The following ATP2A3 variants were observed in gnomAD, a reference collection of about 807,000 sequenced individuals.
ATP2A3 encodes sarcoplasmic/endoplasmic reticulum calcium ATPase 3.
In ATP2A3, 61 loss-of-function variants were observed where a neutral mutation model predicts 106.8. The observed-to-expected ratio is 0.57, with a 90% CI of 0.46 to 0.71. ATP2A3 has a LOEUF of 0.71. Among genes scored for constraint, ATP2A3 ranks in the 30% least tolerant of loss-of-function variants. The pLI is 0.00. For missense variants in ATP2A3, 1,201 were observed against 1,423.5 expected, an observed-to-expected ratio of 0.84 and a Z score of 2.52; for synonymous variants, 611 against 609.3, an observed-to-expected ratio of 1.00 and a Z score of -0.04.
chr17:3,963,670 TG>T (rs1364706962), intron 1 of ATP2A3, among the ~76,000 whole-genome samples: 1 of 151,942 alleles, frequency 6.6e-6, no homozygotes, highest in Non-Finnish European at 1.5e-5. Context: ...AGACCTGGGG[TG>T]GGGGTGGGGG....
At chr17:3,963,611 C>A (rs987055993) in intron 1 of ATP2A3, among the ~76,000 whole-genome samples, 3 of 152,150 alleles carry the variant, frequency 2.0e-5, no homozygotes, top group Non-Finnish European at 2.9e-5. Flanking sequence ...CAGTTCAAAG[C>A]CCCCACCGAC....
rs1049214357 is a variant in ATP2A3 at position 3,955,842 on chromosome 17, C to T, written c.119-2132G>A. ...TCCCCATGATGCCTCCTGCCTGCCC[C>T]GGCTGGTCTCTCAAGTTCTCCTTTC... On this transcript the variant is annotated intron_variant, in intron 1 of 20. Transcript: ENST00000397041. The surrounding 1 kb of genome is among the most constrained non-coding windows in gnomAD (Gnocchi z 4.2). Among the ~76,000 whole-genome samples the T allele has an allele frequency of 5.3e-5, 8 of 152,100 alleles. No homozygotes were observed. The South Asian group carries it at 1.0e-3, about 20-fold the overall frequency.
chr17:3,947,570 C>A lies in ATP2A3; in HGVS notation c.916G>T (p.Ala306Ser). 6.2e-7 allele frequency: 1 copy of A among 1,612,788 alleles called. No individual in the cohort carries two copies. Among genetic ancestry groups the A allele is most frequent in the Non-Finnish European group, 8.5e-7 (1 of 1,179,912 alleles). The change falls in exon 8 of 21, where the codon GCC becomes TCC. Residue 306 changes from alanine (A) to serine (S), a missense_variant. This residue lies in a region of ATP2A3 where 935 missense variants were observed against 1,176.7 expected (regional missense o/e 0.79). Coordinates refer to ENST00000397041, the MANE Select transcript of ATP2A3 (RefSeq NM_005173.4). This position sits in a 1 kb window ranked among gnomAD's most constrained non-coding sequence, Gnocchi z 7.7. ...FKIAVALAVA[A>S]IPEGLPAVIT... ...ACAGCCGGGAGGCCCTCGGGGATGG[C>A]CGCCACCGCCAGGGCCACGGCGATC...
chr17:3,951,251 C>T lies in ATP2A3; in HGVS notation c.463G>A (p.Val155Met), dbSNP rs1294987585. 1.3e-6 allele frequency: 2 copies of T among 1,569,600 alleles called. No homozygotes were observed. Among genetic ancestry groups the T allele is most frequent in the Non-Finnish European group, 1.7e-6 (2 of 1,157,788 alleles). Reference sequence around the variant, plus strand: ...ATAAAAGGAGGAGGCCCCGGCATACCTGCCACTTCTACAATGTCCCCTGGG... The same window carrying T: ...ATAAAAGGAGGAGGCCCCGGCATACTTGCCACTTCTACAATGTCCCCTGGG... ...IVPGDIVEVA[V>M]GDKVPADLRL... The change falls in exon 5 of 21, where the codon GTG becomes ATG. Residue 155 changes from valine (V) to methionine (M), a missense_variant and splice_region_variant. Physicochemically the swap from Val to Met is conservative, Grantham distance 21. Coordinates refer to ENST00000397041, the MANE Select transcript of ATP2A3 (RefSeq NM_005173.4).
chr17:3,957,495 C>T (rs536370503), intron 1 of ATP2A3, among the ~76,000 whole-genome samples: 1 of 152,354 alleles, frequency 6.6e-6, no homozygotes, highest in Admixed American at 6.5e-5. Context: ...CTGTAGAGAG[C>T]CCACAGCCCA....
intron 17 of ATP2A3, among the ~76,000 whole-genome samples, chr17:3,934,538 T>TTTTTC (rs71381541): frequency 6.8e-6 from 1 of 146,364 alleles, no homozygotes; most frequent in Non-Finnish European, 1.5e-5. Flanking sequence ...TTTTTTTTTT[T>TTTTTC]CTTGAGATGG....
At position 3,943,460 on chromosome 17, in the gene ATP2A3, C is replaced by G; in HGVS notation, c.1350G>C (p.Glu450Asp). ...ATETALTCLV[E>D]KMNVFDTDLQ... Reference sequence around the variant, plus strand: ...GGTCGGTGTCGAACACGTTCATCTTCTCCACCAGGCAAGTCAGAGCTGTCT... The same window carrying G: ...GGTCGGTGTCGAACACGTTCATCTTGTCCACCAGGCAAGTCAGAGCTGTCT... Residue 450 changes from glutamate to aspartate, a missense_variant, in exon 11 of 21, where the codon GAG becomes GAC. Physicochemically the swap from Glu to Asp is conservative, Grantham distance 45 (BLOSUM62 2). Transcript: ENST00000397041. 1 of 1,614,140 alleles carries G rather than the reference C, an allele frequency of 6.2e-7. No homozygotes were observed. Among genetic ancestry groups the G allele is most frequent in the Non-Finnish European group, 8.5e-7 (1 of 1,180,016 alleles).
At chr17:3,935,340 C>T in intron 16 of ATP2A3, 63 bp from the exon 17 acceptor site, 1 of 1,494,308 alleles carries the variant, frequency 6.7e-7, no homozygotes, top group Non-Finnish European at 9.3e-7. Flanking sequence ...TCTGTTTCCC[C>T]TGCCTAATAA....
Position 3,964,168 on chromosome 17 carries a change from G to T in ATP2A3, c.118+6C>A. On this transcript the variant is annotated splice_donor_region_variant and intron_variant, in intron 1 of 20. Transcript: ENST00000397041. ...CTCCCCGGCCCGGCCCGGCCCGCGCGCTCACCGTTGGGGCCGTAGCGCTCC... is the reference window on the plus strand; with the variant it reads ...CTCCCCGGCCCGGCCCGGCCCGCGCTCTCACCGTTGGGGCCGTAGCGCTCC... 1 of 1,153,600 alleles carries T rather than the reference G, an allele frequency of 8.7e-7. No homozygotes were observed. Among genetic ancestry groups the T allele is most frequent in the Non-Finnish European group, 1.1e-6 (1 of 935,304 alleles). The allele number at this position is 1,153,600 out of a possible 1,614,324, so 71.5% of individuals were successfully genotyped here.
rs966106009 is a variant in ATP2A3, at chr17:3,926,171, G to A, written c.2981-730C>T. On this transcript the variant is annotated intron_variant, in intron 20 of 20. Transcript: ENST00000397041. The surrounding 1 kb of genome is among the most constrained non-coding windows in gnomAD (Gnocchi z 4.6). ...GAATTCTCCCCAGGACACATCCCTCGTAAATGACATAAATCACGGGGAAGC... is the reference window on the plus strand; with the variant it reads ...GAATTCTCCCCAGGACACATCCCTCATAAATGACATAAATCACGGGGAAGC... 1.3e-5 allele frequency among the ~76,000 whole-genome samples: 2 copies of A among 152,150 alleles called. No individual in the cohort carries two copies. The highest frequency in any genetic ancestry group is 1.5e-5 in the Non-Finnish European group (1 of 68,030).
At chr17:3,934,522 CTTT>C (rs111586874) in intron 17 of ATP2A3, among the ~76,000 whole-genome samples, 1 of 123,392 alleles carries the variant, frequency 8.1e-6, no homozygotes, top group Non-Finnish European at 1.7e-5. Context: ...CCCCTCGATT[CTTT>C]TTTTTTTTTT....
At chr17:3,943,589 T>C (rs2053911481) in intron 10 of ATP2A3, 67 bp from the exon 11 acceptor site, 1 of 1,602,732 alleles carries the variant, frequency 6.2e-7, no homozygotes, top group Non-Finnish European at 8.5e-7. Context: ...CCAGCCTCAC[T>C]CACTCCTTGC....
In ATP2A3 at chr17:3,928,187, C is replaced by T; in HGVS notation, c.2980+476G>A. On this transcript the variant is annotated intron_variant, in intron 20 of 20. Transcript: ENST00000397041. The surrounding 1 kb of genome is among the most constrained non-coding windows in gnomAD (Gnocchi z 6.1). ...TAAGGCAGACCCAGAGCTGTGAGCT[C>T]AGAAACAACCCTCCCCTTGACCCAC... The T allele has an allele frequency of 6.2e-7, 1 of 1,609,214 alleles. No individual in the cohort carries two copies. Among genetic ancestry groups the T allele is most frequent in the Non-Finnish European group, 8.5e-7 (1 of 1,175,894 alleles).
intron 1 of ATP2A3, among the ~76,000 whole-genome samples, chr17:3,956,611 G>T (rs1390847168): frequency 6.6e-6 from 1 of 152,202 alleles, no homozygotes; most frequent in African/African-American, 2.4e-5. Flanking sequence ...CTCTCCTACA[G>T]CAGCCAGCAG....
intron 20 of ATP2A3, chr17:3,927,692 G>GGCTGAGTGCC (rs1340055128): frequency 2.1e-6 from 2 of 939,094 alleles, no homozygotes; most frequent in Non-Finnish European, 2.5e-6. Flanking sequence ...CAGCAGGCTT[G>GGCTGAGTGCC]CCTTGGCTGA....
chr17:3,930,126 T>A lies in ATP2A3; in HGVS notation c.2744+175A>T, dbSNP rs916146890. ...CCCACAGACCCCAATCCTGGACCCC[T>A]GACCCTCAGACACTGATACTGGAAC... On this transcript the variant is annotated intron_variant, in intron 18 of 20. Coordinates refer to ENST00000397041, the MANE Select transcript of ATP2A3 (RefSeq NM_005173.4). This position sits in a 1 kb window ranked among gnomAD's most constrained non-coding sequence, Gnocchi z 5.4. Among the ~76,000 whole-genome samples the A allele has an allele frequency of 7.5e-6, 1 of 133,118 alleles. No homozygotes were observed. The highest frequency in any genetic ancestry group is 1.6e-5 in the Non-Finnish European group (1 of 62,764). The allele number at this position is 133,118 out of a possible 152,430, so 87.3% of individuals were successfully genotyped here. A position where few individuals can be genotyped will look rare whatever the true frequency, so the allele number is the denominator to read the frequency against.
At chr17:3,963,147 C>T (rs772990770) in intron 1 of ATP2A3, among the ~76,000 whole-genome samples, 8 of 152,236 alleles carry the variant, frequency 5.3e-5, no homozygotes, top group Non-Finnish European at 1.2e-4. Context: ...AATTTTCAAG[C>T]TAGCCCTGAG....
Position 3,936,513 on chromosome 17 carries a change from C to T in ATP2A3, c.2322-44G>A, listed in dbSNP as rs375435387. 2.1e-5 allele frequency: 34 copies of T among 1,604,126 alleles called. No homozygotes were observed. Among genetic ancestry groups the T allele is most frequent in the East Asian group, 6.7e-5 (3 of 44,818 alleles). ...CTCTAGCCCCGGTAGGCCTAGCCCC[C>T]GGCAGATGCAGGCTCCAGCTCCTGC... On this transcript the variant is annotated intron_variant, in intron 15 of 20. Transcript: ENST00000397041. This position sits in a 1 kb window ranked among gnomAD's most constrained non-coding sequence, Gnocchi z 5.4.
At chr17:3,927,791 ACAGAC>A in intron 20 of ATP2A3, 5 of 985,230 alleles carry the variant, frequency 5.1e-6, no homozygotes, top group Non-Finnish European at 6.0e-6. Context: ...CTAGGGAATG[ACAGAC>A]GCGTGATCTA....
Sources: gnomAD v4.1 joint callset for allele counts (sites outside exome capture counted in the v4.1 genomes callset) on GRCh38, gnomAD v4.1.1 for gene constraint, gnomAD v4.1.1 regional missense constraint, Gnocchi (gnomAD v3.1) non-coding constraint, MANE v1.5 for transcripts, NCBI Gene and HGNC (gene_info 2026-07-23, HGNC 2026-07-21) for gene names.